The following ASCC3 variants were observed in gnomAD, a reference collection of about 807,000 sequenced individuals.
The protein encoded by ASCC3 is activating signal cointegrator 1 complex subunit 3.
Under a neutral mutation model 256.3 loss-of-function variants are expected in ASCC3, and 158 were observed. The ratio of observed to expected loss-of-function variants is 0.62; its 90% CI spans 0.54 to 0.70. The LOEUF (loss-of-function observed/expected upper bound fraction) is 0.70. Ranked by LOEUF, ASCC3 falls within the 30% of genes least tolerant of loss-of-function variation. ASCC3 has a pLI of 0.00. For synonymous variants in ASCC3, 948 were observed against 883.4 expected, an observed-to-expected ratio of 1.07 and a Z score of -1.30; for missense variants, 2,259 against 2,626.0, an observed-to-expected ratio of 0.86 and a Z score of 3.05.
At chr6:100,663,113 T>C (rs1364515695) in intron 14 of ASCC3, among the ~76,000 whole-genome samples, 2 of 152,054 alleles carry the variant, frequency 1.3e-5, no homozygotes, top group Non-Finnish European at 2.9e-5. Context: ...TATTCCTCAT[T>C]GCGATAAGTC....
intron 10 of ASCC3, among the ~76,000 whole-genome samples, chr6:100,736,282 A>G (rs908391345): frequency 6.6e-6 from 1 of 152,166 alleles, no homozygotes; most frequent in African/African-American, 2.4e-5. Context: ...AGGCAGGCAG[A>G]TCACGAGGTC....
At chr6:100,639,191 T>C (rs1024400088) in intron 24 of ASCC3, among the ~76,000 whole-genome samples, 2 of 152,226 alleles carry the variant, frequency 1.3e-5, no homozygotes, top group African/African-American at 4.8e-5. Flanking sequence ...AACACTGAAA[T>C]GATTACTAAC....
intron 25 of ASCC3, among the ~76,000 whole-genome samples, chr6:100,637,043 A>ATGT (rs1774877805): frequency 2.6e-5 from 4 of 152,238 alleles, no homozygotes; most frequent in Non-Finnish European, 4.4e-5. Flanking sequence ...CAGAGTTTTA[A>ATGT]TGTATACAAA....
intron 37 of ASCC3, among the ~76,000 whole-genome samples, chr6:100,537,464 C>T (rs543669682): frequency 1.3e-5 from 2 of 152,096 alleles, no homozygotes; most frequent in South Asian, 4.2e-4. Context: ...AGAGAAAGGG[C>T]AATTATTGGG....
intron 34 of ASCC3, 63 bp from the exon 35 acceptor site, chr6:100,590,122 C>A: frequency 9.5e-7 from 1 of 1,057,820 alleles, no homozygotes; most frequent in Non-Finnish European, 1.5e-6. Flanking sequence ...ACTATCACCT[C>A]AGTTTCACAG....
At chr6:100,847,669 C>T (rs2114501895) in intron 4 of ASCC3, among the ~76,000 whole-genome samples, 1 of 152,222 alleles carries the variant, frequency 6.6e-6, no homozygotes, top group Non-Finnish European at 1.5e-5. Context: ...AATTATCTAT[C>T]TTGATATTGG....
chr6:100,726,150 A>G (rs777370964), intron 10 of ASCC3, among the ~76,000 whole-genome samples: 2 of 151,982 alleles, frequency 1.3e-5, no homozygotes, highest in Non-Finnish European at 2.9e-5. Flanking sequence ...ATGACAGATT[A>G]AAAATAACCC....
chr6:100,650,721 G>C lies in ASCC3; in HGVS notation c.3076-7C>G, dbSNP rs1188493381. ...CTATTTCCTCTTCTCTGACCTAGAA[G>C]AATCAATGTATTTATTGGAATTTTG... On this transcript the variant is annotated splice_region_variant and splice_polypyrimidine_tract_variant and intron_variant, in intron 19 of 41. Coordinates refer to ENST00000369162, the MANE Select transcript of ASCC3 (RefSeq NM_006828.4). The C allele has an allele frequency of 6.2e-7, 1 of 1,604,240 alleles. No homozygotes were observed. The highest frequency in any genetic ancestry group is 1.1e-5 in the South Asian group (1 of 90,730).
At chr6:100,531,695 T>C (rs1363835781) in intron 37 of ASCC3, among the ~76,000 whole-genome samples, 2 of 152,110 alleles carry the variant, frequency 1.3e-5, no homozygotes, top group South Asian at 2.1e-4. Context: ...GAAAAATGTA[T>C]TGTGTTTCAG....
intron 13 of ASCC3, among the ~76,000 whole-genome samples, chr6:100,683,006 G>A (rs1479500043): frequency 2.0e-5 from 3 of 152,130 alleles, no homozygotes; most frequent in Admixed American, 6.5e-5. Context: ...GCGTTATTGT[G>A]TGAAATTGGT....
At chr6:100,610,973 C>T (rs944754680) in intron 30 of ASCC3, among the ~76,000 whole-genome samples, 3 of 152,122 alleles carry the variant, frequency 2.0e-5, no homozygotes, top group South Asian at 4.1e-4. Context: ...TTTAAACTTA[C>T]ATAAGTATAT....
intron 12 of ASCC3, among the ~76,000 whole-genome samples, chr6:100,717,040 C>T (rs993251770): frequency 6.6e-6 from 1 of 151,784 alleles, no homozygotes; most frequent in Non-Finnish European, 1.5e-5. Context: ...TTCTGAAAAG[C>T]AGCACTTGAA....
chr6:100,764,674 C>A, intron 10 of ASCC3, among the ~76,000 whole-genome samples: 2 of 152,130 alleles, frequency 1.3e-5, no homozygotes. Context: ...ATCAATATTT[C>A]TATTTATTTA....
intron 1 of ASCC3, among the ~76,000 whole-genome samples, chr6:100,870,986 T>C (rs1018122321): frequency 3.9e-5 from 6 of 152,230 alleles, no homozygotes; most frequent in Non-Finnish European, 8.8e-5. Flanking sequence ...GCAGATCAGA[T>C]GGCACTGAGA....
At chr6:100,690,698 C>A (rs1423989022) in intron 13 of ASCC3, among the ~76,000 whole-genome samples, 1 of 152,050 alleles carries the variant, frequency 6.6e-6, no homozygotes, top group Non-Finnish European at 1.5e-5. Flanking sequence ...CTATATAAGA[C>A]TGTATAATTC....
chr6:100,685,195 G>A (rs1777513019), intron 13 of ASCC3, among the ~76,000 whole-genome samples: 1 of 152,162 alleles, frequency 6.6e-6, no homozygotes, highest in Admixed American at 6.5e-5. Flanking sequence ...GCAGATAGAT[G>A]TCCCACAGAA....
At chr6:100,861,384 T>C (rs913586931) in intron 3 of ASCC3, among the ~76,000 whole-genome samples, 1 of 152,174 alleles carries the variant, frequency 6.6e-6, no homozygotes, top group East Asian at 1.9e-4. Flanking sequence ...CATAATATTA[T>C]ACTCAAGTGA....
At chr6:100,747,600 C>T (rs1039071327) in intron 10 of ASCC3, among the ~76,000 whole-genome samples, 24 of 151,998 alleles carry the variant, frequency 1.6e-4, no homozygotes, top group African/African-American at 5.6e-4. Flanking sequence ...TAAATATCAA[C>T]ATAATAATGT....
chr6:100,636,949 G>C (rs1472272107), intron 25 of ASCC3, among the ~76,000 whole-genome samples: 1 of 152,202 alleles, frequency 6.6e-6, no homozygotes, highest in Non-Finnish European at 1.5e-5. Context: ...GCCAGGTGAA[G>C]CAGAAAGTGC....
Sources: gnomAD v4.1 joint callset for allele counts (sites outside exome capture counted in the v4.1 genomes callset) on GRCh38, gnomAD v4.1.1 for gene constraint, MANE v1.5 for transcripts, NCBI Gene and HGNC (gene_info 2026-07-23, HGNC 2026-07-21) for gene names.